Variants in SSH2 observed in about 807,000 individuals in gnomAD.
SSH2 encodes the protein protein phosphatase Slingshot homolog 2.
SSH2 carries 37 observed loss-of-function variants against 135.2 expected under a neutral mutation model. The observed-to-expected ratio is 0.27, with a 90% CI of 0.21 to 0.36. The LOEUF is 0.36. SSH2 is among the 10% of genes least tolerant of loss of function. The pLI is 1.00. For synonymous variants in SSH2, 628 were observed against 646.2 expected (o/e 0.97, Z 0.43); for missense variants, 1,408 against 1,765.3 (o/e 0.80, Z 3.63).
At chr17:29,706,307 C>G (rs1381800565) in intron 3 of SSH2, among the ~76,000 whole-genome samples, 2 of 152,148 alleles carry the variant, frequency 1.3e-5, no homozygotes, top group Non-Finnish European at 2.9e-5. Context: ...CTAATAAAAC[C>G]TTTGAGGTAA....
intron 3 of SSH2, among the ~76,000 whole-genome samples, chr17:29,742,295 ATCAC>A (rs1201689897): frequency 2.0e-5 from 3 of 150,088 alleles, no homozygotes; most frequent in African/African-American, 7.3e-5. Context: ...CAAAAAAAAA[ATCAC>A]TCACCCAGGG....
At chr17:29,841,789 T>C (rs943149698) in intron 2 of SSH2, among the ~76,000 whole-genome samples, 6 of 152,030 alleles carry the variant, frequency 3.9e-5, no homozygotes, top group African/African-American at 1.4e-4. Flanking sequence ...TGCAGTGGCA[T>C]AGTCCTGGCT....
intron 3 of SSH2, among the ~76,000 whole-genome samples, chr17:29,738,488 T>C (rs1011128997): frequency 6.6e-6 from 1 of 152,182 alleles, no homozygotes; most frequent in African/African-American, 2.4e-5. Context: ...TTCTAGATCC[T>C]TGAGACCTTG....
chr17:29,674,397 T>C (rs1317237732), intron 8 of SSH2, among the ~76,000 whole-genome samples: 1 of 152,228 alleles, frequency 6.6e-6, no homozygotes, highest in African/African-American at 2.4e-5. Context: ...GGATGCCTAA[T>C]GCATGTTTCT....
chr17:29,778,618 C>T (rs562890669), intron 3 of SSH2, among the ~76,000 whole-genome samples: 86 of 149,726 alleles, frequency 5.7e-4, no homozygotes, highest in African/African-American at 1.8e-3. Flanking sequence ...CCAGCCTGGG[C>T]GACAAGAGTG....
chr17:29,744,162 AG>A (rs1440076379), intron 3 of SSH2, among the ~76,000 whole-genome samples: 1 of 146,870 alleles, frequency 6.8e-6, no homozygotes, highest in African/African-American at 2.5e-5. Flanking sequence ...CTGGGGTAGG[AG>A]GGGGAGTGGG....
chr17:29,677,614 G>A lies in SSH2; in HGVS notation c.548+59C>T, dbSNP rs146443443. 39 of 1,417,352 alleles carry A rather than the reference G, an allele frequency of 2.8e-5. No individual in the cohort carries two copies. In the African/African-American group the frequency reaches 4.4e-4, roughly 16 times the overall value. 87.8% of individuals were successfully genotyped at this position (1,417,352 alleles called of 1,614,324 possible). A position where few individuals can be genotyped will look rare whatever the true frequency, so the allele number is the denominator to read the frequency against. ...TCCCTTTTAGCTGAATGAATGTGCA[G>A]TAAGATGGAGCCCCACCCCTTGGCT... On this transcript the variant is annotated intron_variant, in intron 7 of 15. Coordinates refer to ENST00000540801, the MANE Select transcript of SSH2 (RefSeq NM_001282129.2).
At chr17:29,851,407 G>C (rs1385649960) in intron 1 of SSH2, among the ~76,000 whole-genome samples, 1 of 151,698 alleles carries the variant, frequency 6.6e-6, no homozygotes, top group African/African-American at 2.4e-5. Flanking sequence ...CCTGGCCAAT[G>C]TGGTCAAATC....
At chr17:29,902,680 CTAT>C (rs1317836293) in intron 1 of SSH2, among the ~76,000 whole-genome samples, 2 of 152,052 alleles carry the variant, frequency 1.3e-5, no homozygotes, top group African/African-American at 4.8e-5. Flanking sequence ...TTCAATTTTA[CTAT>C]TAATGTACCT....
At position 29,643,316 on chromosome 17, in the gene SSH2, C is replaced by T. The variant is rs2036240446; in HGVS notation, c.1427+4828G>A. The T allele has an allele frequency of 4.1e-6, 4 of 983,586 alleles. No homozygotes were observed. In the African/African-American group the frequency reaches 5.3e-5, roughly 13 times the overall value. The allele number at this position is 983,586 out of a possible 1,614,324, so 60.9% of individuals were successfully genotyped here. A position where few individuals can be genotyped will look rare whatever the true frequency, so the allele number is the denominator to read the frequency against. On this transcript the variant is annotated intron_variant, in intron 14 of 15. Transcript: ENST00000540801. ...AGCTATATATCCAACAGCCATTTTT[C>T]TTACTGTCAGAGGCCTGATTTGATT...
intron 2 of SSH2, among the ~76,000 whole-genome samples, chr17:29,834,166 AAAG>A (rs2042905112): frequency 6.6e-6 from 1 of 152,042 alleles, no homozygotes; most frequent in African/African-American, 2.4e-5. Context: ...AAAATACACA[AAAG>A]AAGTTAAATG....
chr17:29,701,796 T>A (rs558031082), intron 4 of SSH2, among the ~76,000 whole-genome samples: 38 of 150,702 alleles, frequency 2.5e-4, no homozygotes, highest in African/African-American at 8.3e-4. Context: ...GTCTCGAACT[T>A]CTGACCTCAG....
chr17:29,675,406 A>C (rs930986557), intron 8 of SSH2, among the ~76,000 whole-genome samples: 1 of 152,186 alleles, frequency 6.6e-6, no homozygotes, highest in Admixed American at 6.5e-5. Flanking sequence ...TGAATAGGAA[A>C]CTGAAATTCA....
At chr17:29,759,423 T>C (rs1475501727) in intron 3 of SSH2, among the ~76,000 whole-genome samples, 1 of 152,202 alleles carries the variant, frequency 6.6e-6, no homozygotes, top group African/African-American at 2.4e-5. Flanking sequence ...TGAATATACA[T>C]AGCATAAAAT....
chr17:29,807,474 G>C (rs1158782632), intron 2 of SSH2, among the ~76,000 whole-genome samples: 1 of 152,110 alleles, frequency 6.6e-6, no homozygotes, highest in Non-Finnish European at 1.5e-5. Flanking sequence ...AGTCTATAGG[G>C]GACACAGAAA....
At chr17:29,862,943 C>A (rs1374161752) in intron 1 of SSH2, among the ~76,000 whole-genome samples, 1 of 152,154 alleles carries the variant, frequency 6.6e-6, no homozygotes, top group Non-Finnish European at 1.5e-5. Context: ...GTAGGAGATC[C>A]CTTCTGAACC....
At chr17:29,852,204 C>G (rs1423563623) in intron 1 of SSH2, among the ~76,000 whole-genome samples, 2 of 151,802 alleles carry the variant, frequency 1.3e-5, no homozygotes, top group East Asian at 3.9e-4. Flanking sequence ...ATCACTTCAA[C>G]CCGGGAGATG....
chr17:29,877,947 T>C (rs2066065771), intron 1 of SSH2, among the ~76,000 whole-genome samples: 1 of 151,990 alleles, frequency 6.6e-6, no homozygotes, highest in African/African-American at 2.4e-5. Flanking sequence ...TAGCCAGGCA[T>C]GGTGGCTTGT....
chr17:29,917,582 T>C (rs1216698412), intron 1 of SSH2, among the ~76,000 whole-genome samples: 3 of 152,154 alleles, frequency 2.0e-5, no homozygotes, highest in Non-Finnish European at 4.4e-5. Flanking sequence ...AGCAGCAAAA[T>C]GACACAAATT....
Sources: allele counts gnomAD v4.1 joint callset (sites outside exome capture counted in the v4.1 genomes callset), GRCh38; gene constraint gnomAD v4.1.1; transcripts MANE v1.5; gene names NCBI Gene and HGNC (gene_info 2026-07-23, HGNC 2026-07-21).